Variants in PIGU observed in about 807,000 individuals in gnomAD.
PIGU encodes phosphatidylinositol glycan anchor biosynthesis class U.
In PIGU, 24 loss-of-function variants were observed where a neutral mutation model predicts 49.9. That is an observed-to-expected ratio of 0.48 (90% CI 0.35 to 0.68). The LOEUF (loss-of-function observed/expected upper bound fraction) is 0.68. PIGU is among the 30% of genes least tolerant of loss of function. The pLI, the probability that PIGU is intolerant of heterozygous loss-of-function variation, is 0.01. For missense variants in PIGU, 490 were observed against 532.6 expected (o/e 0.92, Z 0.79); for synonymous variants, 220 against 205.7 (o/e 1.07, Z -0.59).
chr20:34,603,460 T>G (rs1984503997), intron 7 of PIGU, among the ~76,000 whole-genome samples: 1 of 152,238 alleles, frequency 6.6e-6, no homozygotes, highest in African/African-American at 2.4e-5. Context: ...TACAATGAAC[T>G]GATTTCTTAT....
At chr20:34,674,603 A>G (rs1005109010) in intron 1 of PIGU, among the ~76,000 whole-genome samples, 14 of 152,104 alleles carry the variant, frequency 9.2e-5, no homozygotes, top group African/African-American at 3.4e-4. Flanking sequence ...TCAGGAATGA[A>G]TAAAACAGAA....
chr20:34,572,568 T>C (rs1169247707), intron 11 of PIGU, among the ~76,000 whole-genome samples: 1 of 152,074 alleles, frequency 6.6e-6, no homozygotes, highest in Non-Finnish European at 1.5e-5. Context: ...GTGAGAGAAT[T>C]GCTTGAACCC....
At chr20:34,633,385 G>C (rs936549517) in intron 6 of PIGU, among the ~76,000 whole-genome samples, 2 of 152,040 alleles carry the variant, frequency 1.3e-5, no homozygotes, top group African/African-American at 4.8e-5. Context: ...GATCACCTGA[G>C]CTGGGGAGGT....
intron 11 of PIGU, among the ~76,000 whole-genome samples, chr20:34,572,730 C>T (rs1983065468): frequency 6.6e-6 from 1 of 152,150 alleles, no homozygotes; most frequent in Admixed American, 6.5e-5. Flanking sequence ...TGTACCTAGT[C>T]CAAACCACTG....
chr20:34,665,235 G>A (rs1987051566), intron 1 of PIGU, among the ~76,000 whole-genome samples: 1 of 105,204 alleles, frequency 9.5e-6, no homozygotes, highest in African/African-American at 3.8e-5. Flanking sequence ...ACTGAGTCTC[G>A]CTCTGTCGCC....
intron 1 of PIGU, among the ~76,000 whole-genome samples, chr20:34,659,010 G>A (rs1487480718): frequency 8.6e-5 from 12 of 140,258 alleles, no homozygotes; most frequent in Admixed American, 5.0e-4. Flanking sequence ...GCCTCTGCCC[G>A]GCCACCCCCT....
chr20:34,582,707 C>T (rs1204074752), intron 9 of PIGU, among the ~76,000 whole-genome samples: 4 of 152,022 alleles, frequency 2.6e-5, no homozygotes, highest in African/African-American at 9.7e-5. Context: ...GTAGGCAATC[C>T]TCTCACCTGT....
At chr20:34,674,208 A>T (rs1987413073) in intron 1 of PIGU, among the ~76,000 whole-genome samples, 1 of 152,044 alleles carries the variant, frequency 6.6e-6, no homozygotes, top group African/African-American at 2.4e-5. Flanking sequence ...TACAAAAATT[A>T]GCTGGGCATG....
chr20:34,594,856 G>T (rs1427671966), intron 7 of PIGU, among the ~76,000 whole-genome samples: 2 of 152,092 alleles, frequency 1.3e-5, no homozygotes, highest in Non-Finnish European at 2.9e-5. Flanking sequence ...ACTTTGGGAG[G>T]CTGAGGCAAG....
intron 1 of PIGU, 77 bp from the exon 2 acceptor site, chr20:34,657,321 A>G (rs1268756125): frequency 6.6e-6 from 7 of 1,054,602 alleles, no homozygotes; most frequent in Non-Finnish European, 1.0e-5. Flanking sequence ...CCCCACAACC[A>G]AAAAGGGCCT....
At chr20:34,581,062 C>G (rs374990149) in intron 10 of PIGU, among the ~76,000 whole-genome samples, 1 of 152,160 alleles carries the variant, frequency 6.6e-6, no homozygotes, top group Non-Finnish European at 1.5e-5. Flanking sequence ...GGTTCTCAGG[C>G]ACACAAGTGG....
At chr20:34,570,324 G>A (rs1337782014) in intron 11 of PIGU, among the ~76,000 whole-genome samples, 2 of 152,214 alleles carry the variant, frequency 1.3e-5, no homozygotes, top group African/African-American at 2.4e-5. Flanking sequence ...AGAATGGTTC[G>A]GAAGGCCATC....
chr20:34,631,754 TATATATATATATATATATATATATATATA>T (rs1985748058), intron 6 of PIGU, among the ~76,000 whole-genome samples: 10 of 4,370 alleles, frequency 2.3e-3, no homozygotes, highest in South Asian at 4.2e-3. Context: ...TATATATATA[TATATATATATATATATATATATATATATA>T]TATTTTTTTT....
intron 7 of PIGU, among the ~76,000 whole-genome samples, chr20:34,595,220 C>T (rs1984156447): frequency 6.6e-6 from 1 of 151,908 alleles, no homozygotes; most frequent in Non-Finnish European, 1.5e-5. Flanking sequence ...CCTCCATATC[C>T]ATGGGTTCCA....
Position 34,590,327 on chromosome 20 carries a change from C to T in PIGU, c.628-1720G>A, listed in dbSNP as rs150358063. Among the ~76,000 whole-genome samples, 26 of 152,062 alleles carry T rather than the reference C, an allele frequency of 1.7e-4. 1 individual carries two copies. In the East Asian group the frequency reaches 4.9e-3, roughly 28 times the overall value. ...ATCCCAGCACTTTGGGAGGCCGAGG[C>T]GGGAACATCACCTGAGGCCAGGAGT... On this transcript the variant is annotated intron_variant, in intron 7 of 11. Coordinates refer to ENST00000217446, the MANE Select transcript of PIGU (RefSeq NM_080476.5).
intron 7 of PIGU, among the ~76,000 whole-genome samples, chr20:34,589,720 A>G (rs1370194545): frequency 8.4e-6 from 1 of 119,574 alleles, no homozygotes; most frequent in East Asian, 2.7e-4. Flanking sequence ...CTACGGCGTG[A>G]TCTCGGCTCA....
chr20:34,582,561 T>C (rs1983525746), intron 9 of PIGU, among the ~76,000 whole-genome samples: 1 of 152,054 alleles, frequency 6.6e-6, no homozygotes, highest in Non-Finnish European at 1.5e-5. Context: ...ATGGCTGTAA[T>C]CTCAGCTATT....
At chr20:34,563,518 T>A (rs1314287488) in intron 11 of PIGU, among the ~76,000 whole-genome samples, 1 of 150,614 alleles carries the variant, frequency 6.6e-6, no homozygotes. Context: ...GCCATTGCAC[T>A]CCAGCCTAGG....
intron 5 of PIGU, among the ~76,000 whole-genome samples, chr20:34,637,381 C>T: frequency 6.6e-6 from 1 of 152,254 alleles, no homozygotes; most frequent in South Asian, 2.1e-4. Context: ...TGGGTACACC[C>T]TAGAGAATTC....
Sources: gnomAD v4.1 joint callset for allele counts (sites outside exome capture counted in the v4.1 genomes callset) on GRCh38, gnomAD v4.1.1 for gene constraint, MANE v1.5 for transcripts, NCBI Gene and HGNC (gene_info 2026-07-23, HGNC 2026-07-21) for gene names.